Variants in GORASP2 observed in about 807,000 individuals in gnomAD.
GORASP2 encodes golgi reassembly stacking protein 2.
Under a neutral mutation model 45.7 loss-of-function variants are expected in GORASP2, and 22 were observed. That is an observed-to-expected ratio of 0.48 (90% CI 0.34 to 0.69). The LOEUF (loss-of-function observed/expected upper bound fraction) is 0.69. Among genes scored for constraint, GORASP2 ranks in the 30% least tolerant of loss-of-function variants. The pLI is 0.01. For missense variants in GORASP2, 491 were observed against 562.7 expected, an observed-to-expected ratio of 0.87 and a Z score of 1.29; for synonymous variants, 221 against 215.6, an observed-to-expected ratio of 1.02 and a Z score of -0.22.
chr2:170,934,285 T>G lies in GORASP2; in HGVS notation c.63+4882T>G, dbSNP rs1575467339. Among the ~76,000 whole-genome samples the G allele has an allele frequency of 2.0e-5, 3 of 151,794 alleles. No individual in the cohort carries two copies. The South Asian group carries it at 6.2e-4, about 32-fold the overall frequency. On this transcript the variant is annotated intron_variant, in intron 1 of 9. Coordinates refer to ENST00000234160, the MANE Select transcript of GORASP2 (RefSeq NM_015530.5). ...TTGTTGTTGTTGTTGTTTTGTTTTG[T>G]TTTTTTTGAGATGGAGTTTCGCTTT...
At chr2:170,954,550 GA>G (rs1704377033) in intron 5 of GORASP2, 99 bp from the exon 6 acceptor site, 12 of 884,256 alleles carry the variant, frequency 1.4e-5, no homozygotes, top group Non-Finnish European at 2.1e-5. Flanking sequence ...AGGGCAACTT[GA>G]ATCTATGCTC....
chr2:170,956,012 G>T (rs1212037573), intron 6 of GORASP2, among the ~76,000 whole-genome samples: 2 of 152,224 alleles, frequency 1.3e-5, no homozygotes, highest in African/African-American at 4.8e-5. Flanking sequence ...AGTCTATCAT[G>T]TATTAAGACT....
At chr2:170,938,884 T>C (rs1704013763) in intron 1 of GORASP2, among the ~76,000 whole-genome samples, 1 of 152,056 alleles carries the variant, frequency 6.6e-6, no homozygotes, top group African/African-American at 2.4e-5. Flanking sequence ...TCCCAGCTAC[T>C]TGGGAGGCTG....
intron 7 of GORASP2, 136 bp downstream of exon 7, chr2:170,956,695 C>A: frequency 1.5e-6 from 1 of 664,072 alleles, no homozygotes; most frequent in South Asian, 2.1e-5. Flanking sequence ...ATTGCTTGAG[C>A]TCAGGAGTTC....
At chr2:170,952,605 A>G (rs1467269563) in intron 5 of GORASP2, among the ~76,000 whole-genome samples, 1 of 152,230 alleles carries the variant, frequency 6.6e-6, no homozygotes, top group East Asian at 1.9e-4. Context: ...TTTCAAATGT[A>G]GCTACCTCTG....
Position 170,954,697 on chromosome 2 carries a change from G to A in GORASP2, c.614G>A (p.Arg205His). 6.2e-7 allele frequency: 1 copy of A among 1,612,722 alleles called. No individual in the cohort carries two copies. The highest frequency in any genetic ancestry group is 8.5e-7 in the Non-Finnish European group (1 of 1,178,876). The change falls in exon 6 of 10, where the codon CGC becomes CAC. Residue 205 changes from arginine to histidine, a missense_variant. By Grantham distance (29) the Arg-to-His change is conservative. Coordinates refer to ENST00000234160, the MANE Select transcript of GORASP2 (RefSeq NM_015530.5). ...GGTTATTTGCATCGAATACCTACAC[G>A]CCCATTTGAGGAAGGAAAGAAAATT... ...GYGYLHRIPT[R>H]PFEEGKKISL...
In GORASP2 at chr2:170,949,646, C is replaced by T; in HGVS notation, c.252C>T (p.Val84=). ...SKTLELRETS[V]TPSNLWGGQG... ...CATTGGAACTGCGAGAGACCTCAGT[C>T]ACACCAAGTAACCTGTGGGGCGGCC... Residue 84 remains valine, a synonymous_variant, in exon 3 of 10, where the codon GTC becomes GTT. Coordinates refer to ENST00000234160, the MANE Select transcript of GORASP2 (RefSeq NM_015530.5). 6.2e-7 allele frequency: 1 copy of T among 1,614,020 alleles called. No individual in the cohort carries two copies. The highest frequency in any genetic ancestry group is 1.1e-5 in the South Asian group (1 of 91,068).
intron 1 of GORASP2, among the ~76,000 whole-genome samples, chr2:170,947,238 G>A (rs558471883): frequency 1.2e-4 from 19 of 152,242 alleles, no homozygotes; most frequent in Admixed American, 1.2e-3. Context: ...CTGGATTAGA[G>A]GATTTCTGGG....
intron 1 of GORASP2, among the ~76,000 whole-genome samples, chr2:170,933,547 A>G (rs1294047370): frequency 6.6e-6 from 1 of 152,248 alleles, no homozygotes; most frequent in Non-Finnish European, 1.5e-5. Flanking sequence ...GTGCAGGTAC[A>G]TTTGAGTGCT....
At chr2:170,939,074 T>G (rs1460048047) in intron 1 of GORASP2, among the ~76,000 whole-genome samples, 2 of 152,180 alleles carry the variant, frequency 1.3e-5, no homozygotes, top group Non-Finnish European at 1.5e-5. Context: ...AAGAAACAAA[T>G]CCCTAAGTTA....
chr2:170,933,181 A>G (rs931040793), intron 1 of GORASP2, among the ~76,000 whole-genome samples: 6 of 152,208 alleles, frequency 3.9e-5, no homozygotes, highest in African/African-American at 1.4e-4. Flanking sequence ...ATTTGTGTAG[A>G]AGTCTTTTTT....
intron 7 of GORASP2, among the ~76,000 whole-genome samples, chr2:170,959,284 G>T (rs1042565567): frequency 5.9e-5 from 9 of 152,162 alleles, no homozygotes; most frequent in African/African-American, 1.4e-4. Context: ...CTGATTTTAG[G>T]CGATAGTTGA....
intron 7 of GORASP2, among the ~76,000 whole-genome samples, chr2:170,958,165 A>G (rs1259752010): frequency 3.3e-5 from 5 of 152,220 alleles, no homozygotes; most frequent in African/African-American, 7.2e-5. Flanking sequence ...TAAAATTTCA[A>G]ACATACACAA....
chr2:170,960,141 A>G lies in GORASP2; in HGVS notation c.824-1522A>G, dbSNP rs79471917. Among the ~76,000 whole-genome samples, 30 of 152,142 alleles carry G rather than the reference A, an allele frequency of 2.0e-4. No homozygotes were observed. In the East Asian group the frequency reaches 5.6e-3, roughly 28 times the overall value. On this transcript the variant is annotated intron_variant, in intron 7 of 9. Coordinates refer to ENST00000234160, the MANE Select transcript of GORASP2 (RefSeq NM_015530.5). ...TGGCCCAAGTGTATCACCATTTTAC[A>G]TGCTATGTATTTTGATCTTTCTCCT... is the stretch of plus-strand genomic sequence containing the variant.
At chr2:170,963,464 T>TTCTCCTCCC (rs1704615980) in intron 9 of GORASP2, among the ~76,000 whole-genome samples, 1 of 120,104 alleles carries the variant, frequency 8.3e-6, no homozygotes, top group Non-Finnish European at 1.7e-5. Context: ...CTCCTCCTCC[T>TTCTCCTCCC]CCTCCTCCCC....
rs576344066 is a variant in GORASP2, at chr2:170,929,550, C to G, written c.63+147C>G. 1.6e-5 allele frequency: 11 copies of G among 699,790 alleles called. No homozygotes were observed. In the South Asian group the frequency reaches 2.2e-4, roughly 14 times the overall value. The allele number at this position is 699,790 out of a possible 1,614,324, so 43.3% of individuals were successfully genotyped here. ...GTCGCGGGCGCTGCCTTGGTCGAGG[C>G]TGGTTCCGGAGGCCGCTCGCATCCC... On this transcript the variant is annotated intron_variant, in intron 1 of 9. Coordinates refer to ENST00000234160, the MANE Select transcript of GORASP2 (RefSeq NM_015530.5).
At chr2:170,929,608 C>T (rs1703765453) in intron 1 of GORASP2, 6 of 573,512 alleles carry the variant, frequency 1.0e-5, no homozygotes, top group Admixed American at 3.2e-5. Flanking sequence ...ACGGGGTCCG[C>T]GGCTGTAGGA....
At chr2:170,954,883 A>G in intron 6 of GORASP2, 101 bp downstream of exon 6, 1 of 848,898 alleles carries the variant, frequency 1.2e-6, no homozygotes, top group Non-Finnish European at 1.9e-6. Flanking sequence ...AAAATAGGGT[A>G]GACGATGAGT....
intron 1 of GORASP2, among the ~76,000 whole-genome samples, chr2:170,941,869 A>G (rs1704083941): frequency 6.6e-6 from 1 of 152,174 alleles, no homozygotes; most frequent in Admixed American, 6.5e-5. Context: ...TCTGTTGGGT[A>G]TATACCCAAG....
Sources: allele counts gnomAD v4.1 joint callset (sites outside exome capture counted in the v4.1 genomes callset), GRCh38; gene constraint gnomAD v4.1.1; transcripts MANE v1.5; gene names NCBI Gene and HGNC (gene_info 2026-07-23, HGNC 2026-07-21).